NCAM1: variants seen among roughly 807,000 people sequenced by gnomAD.
NCAM1 encodes the protein antigen recognized by monoclonal antibody 5.1H11.
In NCAM1, 14 loss-of-function variants were observed where a neutral mutation model predicts 109.8. The observed-to-expected ratio is 0.13, with a 90% confidence interval of 0.08 to 0.20. NCAM1 has a LOEUF of 0.20. Ranked by LOEUF, NCAM1 falls within the 10% of genes least tolerant of loss-of-function variation. The probability of loss-of-function intolerance (pLI) is 1.00; values close to 1 mark genes in which losing one functional copy is unlikely to be tolerated. For missense variants in NCAM1, 774 were observed against 1,109.9 expected (o/e 0.70, Z 4.30); for synonymous variants, 418 against 442.9 (o/e 0.94, Z 0.70).
At chr11:113,173,004 C>T (rs2043602) in intron 1 of NCAM1, among the ~76,000 whole-genome samples, 94,492 of 152,022 alleles carry the variant, frequency 0.62, 29,657 homozygotes, top group South Asian at 0.71. Context: ...CAGCTCCAGC[C>T]TCCACACAGG....
chr11:112,988,417 T>A (rs1158298281), intron 1 of NCAM1, among the ~76,000 whole-genome samples: 1 of 152,238 alleles, frequency 6.6e-6, no homozygotes, highest in Non-Finnish European at 1.5e-5. Context: ...TAATTTGCTT[T>A]CTTTGTTTCA....
intron 1 of NCAM1, among the ~76,000 whole-genome samples, chr11:113,085,494 T>C (rs187956665): frequency 1.3e-5 from 2 of 152,336 alleles, no homozygotes; most frequent in Admixed American, 1.3e-4. Flanking sequence ...TTCACACTTA[T>C]TCTCAAACTT....
rs114391230 is a variant in NCAM1 at position 112,989,699 on chromosome 11, C to T, written c.52+28035C>T. On this transcript the variant is annotated intron_variant, in intron 1 of 19. Transcript: ENST00000316851. ...TTGCCTGATTCTTTTTTATCCCTGTCGTCTTGTGTTGGTGTCTGCATTTGA... is the reference window on the plus strand; with the variant it reads ...TTGCCTGATTCTTTTTTATCCCTGTTGTCTTGTGTTGGTGTCTGCATTTGA... Among the ~76,000 whole-genome samples, 536 of 152,128 alleles carry T rather than the reference C, an allele frequency of 3.5e-3. 5 individuals are homozygous for T. Among genetic ancestry groups the T allele is most frequent in the African/African-American group, 0.012 (506 of 41,498 alleles).
intron 1 of NCAM1, among the ~76,000 whole-genome samples, chr11:113,036,474 T>G (rs1317858379): frequency 6.6e-6 from 1 of 152,106 alleles, no homozygotes; most frequent in Non-Finnish European, 1.5e-5. Flanking sequence ...TGCTTCCCCC[T>G]GCCTTGCCCC....
chr11:113,094,800 T>A (rs1413666733), intron 1 of NCAM1, among the ~76,000 whole-genome samples: 1 of 152,230 alleles, frequency 6.6e-6, no homozygotes, highest in African/African-American at 2.4e-5. Flanking sequence ...GTTGTTGTTG[T>A]TGACTGTCAA....
chr11:113,149,807 A>T (rs1942160682), intron 1 of NCAM1, among the ~76,000 whole-genome samples: 1 of 152,362 alleles, frequency 6.6e-6, no homozygotes, highest in East Asian at 1.9e-4. Context: ...TGCAGTTTCT[A>T]TGGAAAATGA....
chr11:113,062,010 TAGG>T (rs1937677101), intron 1 of NCAM1, among the ~76,000 whole-genome samples: 3 of 152,296 alleles, frequency 2.0e-5, no homozygotes, highest in Admixed American at 2.0e-4. Flanking sequence ...GCATGAGTCT[TAGG>T]AGAAGTACCC....
rs1439544226 is a variant in NCAM1, at chr11:113,205,733, G to A, written c.490+67G>A. The A allele has an allele frequency of 3.9e-6, 6 of 1,547,436 alleles. 1 individual carries two copies. In the Admixed American group the frequency reaches 9.6e-5, roughly 25 times the overall value. On this transcript the variant is annotated intron_variant, in intron 4 of 19. Transcript: ENST00000316851. ...ACCAAGTTCCCTAGCTTTTTCACCT[G>A]TACTGAGGCATTCCAGTCCAAACTC...
intron 9 of NCAM1, among the ~76,000 whole-genome samples, chr11:113,224,850 C>CA (rs782460929): frequency 1.4e-4 from 21 of 152,326 alleles, no homozygotes; most frequent in Non-Finnish European, 2.5e-4. Context: ...TGGCAAACTC[C>CA]GACAGACCTG....
intron 1 of NCAM1, among the ~76,000 whole-genome samples, chr11:113,183,840 G>A (rs941910843): frequency 2.9e-5 from 4 of 137,254 alleles, no homozygotes; most frequent in African/African-American, 1.2e-4. Flanking sequence ...GCTGGGGTAT[G>A]ACACTTCTGT....
chr11:113,084,985 T>C (rs1342784741), intron 1 of NCAM1, among the ~76,000 whole-genome samples: 3 of 152,230 alleles, frequency 2.0e-5, no homozygotes, highest in East Asian at 1.9e-4. Context: ...GGACCCCCGA[T>C]GGTGTCTGTA....
chr11:113,125,407 A>G (rs1341685796), intron 1 of NCAM1, among the ~76,000 whole-genome samples: 1 of 152,258 alleles, frequency 6.6e-6, no homozygotes, highest in Non-Finnish European at 1.5e-5. Context: ...GGTTGTAGAT[A>G]AATCAATAGA....
At chr11:113,150,212 G>A (rs1942176391) in intron 1 of NCAM1, among the ~76,000 whole-genome samples, 1 of 152,096 alleles carries the variant, frequency 6.6e-6, no homozygotes, top group Admixed American at 6.5e-5. Context: ...GAATTTATCT[G>A]TGAGTTGTAA....
At chr11:113,004,430 T>A (rs1442287809) in intron 1 of NCAM1, among the ~76,000 whole-genome samples, 1 of 151,914 alleles carries the variant, frequency 6.6e-6, no homozygotes, top group Non-Finnish European at 1.5e-5. Context: ...AGGCGGAGGT[T>A]GCAGTGAGCC....
intron 1 of NCAM1, among the ~76,000 whole-genome samples, chr11:113,120,030 T>C (rs1940891225): frequency 6.6e-6 from 1 of 152,244 alleles, no homozygotes; most frequent in Non-Finnish European, 1.5e-5. Flanking sequence ...GCTGTTAGAC[T>C]TAATTAGGCT....
At chr11:113,240,557 T>A in intron 14 of NCAM1, 1 of 548,192 alleles carries the variant, frequency 1.8e-6, no homozygotes, top group South Asian at 2.6e-5. Flanking sequence ...AGACTTTACC[T>A]GAACTGCAGG....
At chr11:113,019,480 C>T (rs1330888320) in intron 1 of NCAM1, among the ~76,000 whole-genome samples, 1 of 152,192 alleles carries the variant, frequency 6.6e-6, no homozygotes, top group Non-Finnish European at 1.5e-5. Context: ...TTGTTTCCTA[C>T]AGATACTGTC....
intron 15 of NCAM1, among the ~76,000 whole-genome samples, chr11:113,247,505 G>A (rs1444191781): frequency 6.6e-6 from 1 of 152,152 alleles, no homozygotes; most frequent in Non-Finnish European, 1.5e-5. Context: ...CTCCTCCTGT[G>A]TGTTAGCCCT....
At chr11:113,188,501 G>A (rs1943579913) in intron 1 of NCAM1, among the ~76,000 whole-genome samples, 1 of 152,156 alleles carries the variant, frequency 6.6e-6, no homozygotes, top group South Asian at 2.1e-4. Context: ...GAATCTCTCA[G>A]CATTATATTT....
Sources: gnomAD v4.1 joint callset for allele counts (sites outside exome capture counted in the v4.1 genomes callset) on GRCh38, gnomAD v4.1.1 for gene constraint, MANE v1.5 for transcripts, NCBI Gene and HGNC (gene_info 2026-07-23, HGNC 2026-07-21) for gene names.